The following ESPNL variants were observed in gnomAD, a reference collection of about 807,000 sequenced individuals.
ESPNL encodes the protein espin like, also known as espin-like protein.
ESPNL carries 49 observed loss-of-function variants against 46.8 expected under a neutral mutation model. The observed-to-expected ratio is 1.05, with a 90% CI of 0.83 to 1.33. The LOEUF is 1.33. Ranked by LOEUF, ESPNL falls within the 40% of genes most tolerant of loss-of-function variation. The pLI is 0.00. For synonymous variants in ESPNL, 664 were observed against 662.1 expected, an observed-to-expected ratio of 1.00 and a Z score of -0.04; for missense variants, 1,540 against 1,436.6, an observed-to-expected ratio of 1.07 and a Z score of -1.16.
At chr2:238,100,934 T>G (rs1691454732) in intron 1 of ESPNL, among the ~76,000 whole-genome samples, 1 of 152,196 alleles carries the variant, frequency 6.6e-6, no homozygotes, top group African/African-American at 2.4e-5. Flanking sequence ...CTTATCACCT[T>G]CCCTGCCAGG....
rs376787946 is a variant in ESPNL, at chr2:238,100,544, A to G, written c.125A>G (p.His42Arg). The G allele has an allele frequency of 6.3e-6, 10 of 1,592,892 alleles. No individual in the cohort carries two copies. Among genetic ancestry groups the G allele is most frequent in the Non-Finnish European group, 8.5e-6 (10 of 1,172,258 alleles). The change falls in exon 1 of 9, where the codon CAC becomes CGC. Residue 42 changes from histidine (H) to arginine (R), a missense_variant. Physicochemically the swap from His to Arg is conservative, Grantham distance 29. Coordinates refer to ENST00000343063, the MANE Select transcript of ESPNL (RefSeq NM_194312.4). ...GCTCTGGGGGCCGGCCTGGTTCACCACGCCACCCGGGCTGGCCACCTGGAC... is the reference window on the plus strand; with the variant it reads ...GCTCTGGGGGCCGGCCTGGTTCACCGCGCCACCCGGGCTGGCCACCTGGAC... ...TDALGAGLVH[H>R]ATRAGHLDCV...
At position 238,131,411 on chromosome 2, in the gene ESPNL, C is replaced by A; in HGVS notation, c.2697C>A (p.Ala899=). The change falls in exon 9 of 9, where the codon GCC becomes GCA. Residue 899 remains alanine, a synonymous_variant. Transcript: ENST00000343063. ...CCCACGGCTGGGAGGCTGTGCGCGC[C>A]TTCCACAAGGCCGTGACCGACGAGG... ...LGTHGWEAVR[A]FHKAVTDEVA... is the part of the protein sequence containing the mutation. 1.2e-6 allele frequency: 2 copies of A among 1,608,720 alleles called. No homozygotes were observed. The highest frequency in any genetic ancestry group is 1.7e-6 in the Non-Finnish European group (2 of 1,178,248).
rs1287584356 is a variant in ESPNL, at chr2:238,131,779, G to A, written c.*47G>A. ...CAGAATGTGGTTTGGGGGTGACTTG[G>A]AGTTTCTCTTTTCTTTTCCTTGCTC... is the stretch of plus-strand genomic sequence containing the variant. On this transcript the variant is annotated 3_prime_UTR_variant, in exon 9 of 9. Coordinates refer to ENST00000343063, the MANE Select transcript of ESPNL (RefSeq NM_194312.4). 6.5e-7 allele frequency: 1 copy of A among 1,530,484 alleles called. No individual in the cohort carries two copies. The allele number at this position is 1,530,484 out of a possible 1,614,324, so 94.8% of individuals were successfully genotyped here.
intron 4 of ESPNL, among the ~76,000 whole-genome samples, chr2:238,115,533 C>T (rs537099019): frequency 2.6e-5 from 4 of 152,348 alleles, no homozygotes; most frequent in South Asian, 4.1e-4. Flanking sequence ...GACAGCGTCA[C>T]GTTGTATTTA....
At chr2:238,112,927 A>G (rs35524631) in intron 4 of ESPNL, among the ~76,000 whole-genome samples, 28,908 of 152,154 alleles carry the variant, frequency 0.19, 3,009 homozygotes, top group African/African-American at 0.27. Flanking sequence ...AACGTTGCAT[A>G]TGTTCTTGGA....
intron 4 of ESPNL, among the ~76,000 whole-genome samples, chr2:238,113,447 G>GT (rs1691753479): frequency 6.6e-6 from 1 of 152,238 alleles, no homozygotes; most frequent in Admixed American, 6.5e-5. Flanking sequence ...AAGCACAGTT[G>GT]TTTTTTGTCT....
At chr2:238,126,959 GTC>G (rs921583758) in intron 6 of ESPNL, among the ~76,000 whole-genome samples, 11 of 150,758 alleles carry the variant, frequency 7.3e-5, no homozygotes, top group Non-Finnish European at 1.5e-4. Context: ...GTTATTGTGT[GTC>G]TGTGTGTATG....
intron 6 of ESPNL, 152 bp from the exon 7 acceptor site, chr2:238,127,470 G>T: frequency 7.4e-7 from 1 of 1,352,926 alleles, no homozygotes. Context: ...TGGGGCCCCC[G>T]AGGTGTTCTG....
chr2:238,127,799 T>C, intron 7 of ESPNL, 65 bp downstream of exon 7: 1 of 1,288,010 alleles, frequency 7.8e-7, no homozygotes, highest in Non-Finnish European at 1.1e-6. Flanking sequence ...TCCCATCCTC[T>C]TAGGGGCCCA....
At position 238,130,325 on chromosome 2, in the gene ESPNL, G is replaced by T. The variant is rs140888386; in HGVS notation, c.1611G>T (p.Leu537=). Residue 537 remains leucine, a synonymous_variant, in exon 9 of 9, where the codon CTG becomes CTT. Coordinates refer to ENST00000343063, the MANE Select transcript of ESPNL (RefSeq NM_194312.4). Reference sequence around the variant, plus strand: ...AGCTGGGCCGGTTGGCGGCTGAGCTGCAGGCCCTGCTGCCCGAGCCCCTGG... The same window carrying T: ...AGCTGGGCCGGTTGGCGGCTGAGCTTCAGGCCCTGCTGCCCGAGCCCCTGG... ...ESELGRLAAE[L]QALLPEPLVS... 278 of 1,607,260 alleles carry T rather than the reference G, an allele frequency of 1.7e-4. 1 individual carries two copies. The highest frequency in any genetic ancestry group is 2.2e-4 in the Non-Finnish European group (256 of 1,177,500).
At chr2:238,120,404 A>G (rs1169300287) in intron 5 of ESPNL, among the ~76,000 whole-genome samples, 5 of 151,872 alleles carry the variant, frequency 3.3e-5, no homozygotes, top group South Asian at 4.2e-4. Flanking sequence ...GCCCCGCCCG[A>G]CCTCCTGGGA....
chr2:238,131,409 G>T lies in ESPNL; in HGVS notation c.2695G>T (p.Ala899Ser). 1.2e-6 allele frequency: 2 copies of T among 1,607,994 alleles called. No homozygotes were observed. Among genetic ancestry groups the T allele is most frequent in the East Asian group, 2.2e-5 (1 of 44,688 alleles). ...CACCCACGGCTGGGAGGCTGTGCGC[G>T]CCTTCCACAAGGCCGTGACCGACGA... is the stretch of plus-strand genomic sequence containing the variant. Reference protein sequence around the residue: ...LGTHGWEAVRAFHKAVTDEVA... With the variant: ...LGTHGWEAVRSFHKAVTDEVA... Residue 899 changes from alanine to serine, a missense_variant, in exon 9 of 9, where the codon GCC becomes TCC. Ala to Ser is a moderately conservative substitution (Grantham distance 99, BLOSUM62 1). Transcript: ENST00000343063.
intron 3 of ESPNL, 120 bp from the exon 4 acceptor site, chr2:238,107,668 GGTT>G: frequency 9.8e-7 from 1 of 1,023,496 alleles, no homozygotes; most frequent in Non-Finnish European, 1.4e-6. Context: ...GGTTTCCTGA[GGTT>G]GTACCCTGTG....
At position 238,130,853 on chromosome 2, in the gene ESPNL, C is replaced by T; in HGVS notation, c.2139C>T (p.Asp713=). ...PRPGDTEEAS[D]SGISCEEVPS... ...CTGGCGACACAGAGGAGGCCAGCGA[C>T]TCTGGCATCAGCTGCGAGGAGGTGC... The change falls in exon 9 of 9, where the codon GAC becomes GAT. Residue 713 remains aspartate, a synonymous_variant. Transcript: ENST00000343063. 1 of 1,553,424 alleles carries T rather than the reference C, an allele frequency of 6.4e-7. No homozygotes were observed. The highest frequency in any genetic ancestry group is 8.7e-7 in the Non-Finnish European group (1 of 1,150,460).
chr2:238,128,918 AGGGGCGGGACCAGTGGGC>A lies in ESPNL; in HGVS notation c.1413+23_1413+40del, dbSNP rs1574746393. The A allele has an allele frequency of 2.6e-6, 4 of 1,532,626 alleles. No homozygotes were observed. The highest frequency in any genetic ancestry group is 3.5e-6 in the Non-Finnish European group (4 of 1,142,010). The allele number at this position is 1,532,626 out of a possible 1,614,324, so 94.9% of individuals were successfully genotyped here. Reference sequence around the variant, plus strand: ...GCAGAGGCCCAGGTAGGCCCCCGGCAGGGGCGGGACCAGTGGGCGGGGCGGGGCCTTTTCCAGGTAGGT... The same window carrying A: ...GCAGAGGCCCAGGTAGGCCCCCGGCAGGGGCGGGGCCTTTTCCAGGTAGGT... On this transcript the variant is annotated intron_variant, in intron 8 of 8. Coordinates refer to ENST00000343063, the MANE Select transcript of ESPNL (RefSeq NM_194312.4).
intron 8 of ESPNL, chr2:238,129,189 C>A: frequency 7.4e-7 from 1 of 1,354,948 alleles, no homozygotes; most frequent in Non-Finnish European, 9.5e-7. Flanking sequence ...CTAGGCCTTC[C>A]TGGGCGCAGC....
In ESPNL at chr2:238,107,961, C is replaced by T. The variant is rs546539763; in HGVS notation, c.843C>T (p.Asn281=). The change falls in exon 4 of 9, where the codon AAC becomes AAT. Residue 281 remains asparagine, a synonymous_variant. Transcript: ENST00000343063. ...CCCCCCTCCACGACGCAGCAGAGAA[C>T]GGGCAGATGGAGGTAAGGTGGGCGT... is the stretch of plus-strand genomic sequence containing the variant. ...GGTPLHDAAE[N]GQMECCQTLV... The T allele has an allele frequency of 4.5e-5, 72 of 1,611,632 alleles. 1 individual carries two copies. In the East Asian group the frequency reaches 6.9e-4, roughly 15 times the overall value.
At chr2:238,129,214 A>G (rs1692221051) in intron 8 of ESPNL, 2 of 1,287,242 alleles carry the variant, frequency 1.6e-6, no homozygotes, top group Non-Finnish European at 2.0e-6. Context: ...AGCAGGGAAG[A>G]CGGTGGCCCA....
intron 5 of ESPNL, among the ~76,000 whole-genome samples, chr2:238,120,510 G>A (rs1274515437): frequency 6.6e-6 from 1 of 152,266 alleles, no homozygotes; most frequent in Non-Finnish European, 1.5e-5. Context: ...AGACCCCGTG[G>A]TAGTGGAGGA....
Sources: allele counts gnomAD v4.1 joint callset (sites outside exome capture counted in the v4.1 genomes callset), GRCh38; gene constraint gnomAD v4.1.1; transcripts MANE v1.5; gene names NCBI Gene and HGNC (gene_info 2026-07-23, HGNC 2026-07-21).